Variants in ALG8 observed in about 807,000 individuals in gnomAD.
The protein encoded by ALG8 is ALG8 alpha-1,3-glucosyltransferase, also known as dolichyl pyrophosphate Glc1Man9GlcNAc2 alpha-1,3-glucosyltransferase.
A neutral mutation model predicts 70.2 loss-of-function variants in ALG8; 48 were observed. The ratio of observed to expected loss-of-function variants is 0.68; its 90% CI spans 0.54 to 0.87. The LOEUF (loss-of-function observed/expected upper bound fraction) is 0.87. Among genes scored for constraint, ALG8 ranks in the 40% least tolerant of loss-of-function variants. ALG8 has a pLI of 0.00. For missense variants in ALG8, 572 were observed against 608.7 expected (o/e 0.94, Z 0.64); for synonymous variants, 234 against 229.0 (o/e 1.02, Z -0.20).
chr11:78,105,478 A>G (rs1252969266), intron 10 of ALG8, among the ~76,000 whole-genome samples: 2 of 152,072 alleles, frequency 1.3e-5, no homozygotes, highest in African/African-American at 4.8e-5. Context: ...ACAAGTCACA[A>G]ACATTTTGAG....
intron 8 of ALG8, among the ~76,000 whole-genome samples, chr11:78,110,091 C>T (rs1860215816): frequency 6.6e-6 from 1 of 152,174 alleles, no homozygotes; most frequent in African/African-American, 2.4e-5. Context: ...GTCCCTCTGC[C>T]CAGGCAACTC....
intron 1 of ALG8, among the ~76,000 whole-genome samples, chr11:78,132,380 T>G (rs1274305883): frequency 6.6e-6 from 1 of 152,208 alleles, no homozygotes; most frequent in Non-Finnish European, 1.5e-5. Flanking sequence ...AAAGGGCACC[T>G]AGCCTTCCTG....
At chr11:78,103,699 T>C (rs1859899135) in intron 12 of ALG8, among the ~76,000 whole-genome samples, 1 of 152,346 alleles carries the variant, frequency 6.6e-6, no homozygotes, top group South Asian at 2.1e-4. Flanking sequence ...TATTTAATAG[T>C]TTTATTCATA....
At chr11:78,126,766 A>G (rs936021452) in intron 2 of ALG8, among the ~76,000 whole-genome samples, 41 of 152,032 alleles carry the variant, frequency 2.7e-4, no homozygotes, top group African/African-American at 9.7e-4. Flanking sequence ...TCTTTTCTCT[A>G]TGTAACTAGA....
At chr11:78,108,412 G>A (rs1314277364) in intron 9 of ALG8, among the ~76,000 whole-genome samples, 7 of 152,078 alleles carry the variant, frequency 4.6e-5, no homozygotes, top group Non-Finnish European at 1.0e-4. Context: ...CCTGGATGAC[G>A]GAGTGAGACT....
chr11:78,109,475 C>T lies in ALG8; in HGVS notation c.1005G>A (p.Leu335=). The T allele has an allele frequency of 6.2e-7, 1 of 1,614,112 alleles. No individual in the cohort carries two copies. Among genetic ancestry groups the T allele is most frequent in the Non-Finnish European group, 8.5e-7 (1 of 1,180,016 alleles). Residue 335 remains leucine (L), a synonymous_variant, in exon 9 of 13, where the codon TTG becomes TTA. Coordinates refer to ENST00000299626, the MANE Select transcript of ALG8 (RefSeq NM_024079.5). ...CAATCAGTGTGCAGATGAGGGTTGC[C>T]AAGGGAGTCACTGAGGGAAGGACTG... ...QHTVLPSVTP[L]ATLICTLIAI...
In ALG8 at chr11:78,121,103, A is replaced by G. The variant is rs1860802017; in HGVS notation, c.440T>C (p.Val147Ala). The G allele has an allele frequency of 6.2e-7, 1 of 1,613,970 alleles. No individual in the cohort carries two copies. The highest frequency in any genetic ancestry group is 2.2e-5 in the East Asian group (1 of 44,854). Residue 147 changes from valine to alanine, a missense_variant, in exon 4 of 13, where the codon GTA (valine) becomes GCA (alanine). Coordinates refer to ENST00000299626, the MANE Select transcript of ALG8 (RefSeq NM_024079.5). ...LTEKPKFILS[V>A]LLLWNFGLLI... ...TAACCCGAAGTTCCACAGAAGTAAT[A>G]CCGACAGAATAAATTTTGGCTTTTC...
chr11:78,106,517 C>A (rs1419700207), intron 10 of ALG8, among the ~76,000 whole-genome samples: 1 of 151,934 alleles, frequency 6.6e-6, no homozygotes, highest in Non-Finnish European at 1.5e-5. Context: ...TTTTCTATAA[C>A]ATACTGTCCC....
intron 1 of ALG8, 87 bp downstream of exon 1, chr11:78,139,407 A>C (rs2136959074): frequency 7.7e-7 from 1 of 1,306,950 alleles, no homozygotes; most frequent in South Asian, 1.3e-5. Flanking sequence ...TTTTCTCTTC[A>C]TACCCAGGGA....
chr11:78,132,746 T>G (rs1861357252), intron 1 of ALG8, among the ~76,000 whole-genome samples: 1 of 152,080 alleles, frequency 6.6e-6, no homozygotes, highest in Non-Finnish European at 1.5e-5. Flanking sequence ...TCCAATGATG[T>G]CAGTTCCTCA....
intron 5 of ALG8, among the ~76,000 whole-genome samples, chr11:78,114,982 GAATA>G (rs1333153662): frequency 1.3e-5 from 2 of 151,824 alleles, no homozygotes; most frequent in East Asian, 1.9e-4. Flanking sequence ...TCTCCAAAAT[GAATA>G]AATAAATAAC....
intron 7 of ALG8, 118 bp downstream of exon 7, chr11:78,113,768 G>T: frequency 1.2e-6 from 1 of 807,354 alleles, no homozygotes; most frequent in Non-Finnish European, 2.0e-6. Flanking sequence ...AGTCACGTTG[G>T]GTAAGGAGTA....
intron 7 of ALG8, among the ~76,000 whole-genome samples, 161 bp downstream of exon 7, chr11:78,113,722 CAAA>C: frequency 1.9e-5 from 1 of 53,742 alleles, no homozygotes; most frequent in African/African-American, 1.2e-4. Context: ...TAAACAAAAA[CAAA>C]AAAAAAAAAG....
At chr11:78,108,194 C>T (rs567772671) in intron 9 of ALG8, among the ~76,000 whole-genome samples, 1 of 152,276 alleles carries the variant, frequency 6.6e-6, no homozygotes, top group African/African-American at 2.4e-5. Flanking sequence ...GCAGGGGAAT[C>T]GCTTGAACCC....
In ALG8 at chr11:78,139,564, C is replaced by A. The variant is rs1415916082; in HGVS notation, c.25G>T (p.Gly9Cys). 2 of 1,559,406 alleles carry A rather than the reference C, an allele frequency of 1.3e-6. No individual in the cohort carries two copies. The highest frequency in any genetic ancestry group is 3.8e-5 in the Admixed American group (2 of 52,156). Residue 9 changes from glycine (G) to cysteine (C), a missense_variant, in exon 1 of 13, where the codon GGT becomes TGT. Gly to Cys is a radical substitution (Grantham distance 159). Coordinates refer to ENST00000299626, the MANE Select transcript of ALG8 (RefSeq NM_024079.5). MAALTIAT[G>C]TGNWFSALAL... is the part of the protein sequence containing the mutation. ...AAAGCCGAAAACCAATTGCCAGTAC[C>A]CGTGGCAATTGTGAGCGCCGCCATT...
chr11:78,109,641 T>C lies in ALG8; in HGVS notation c.899-60A>G, dbSNP rs898688314. On this transcript the variant is annotated intron_variant, in intron 8 of 12. Transcript: ENST00000299626. ...ATCTTTATTACTGAGATACCATATA[T>C]TAACAATCAATTCCTTGAGGAATAA... The C allele has an allele frequency of 2.0e-6, 3 of 1,465,296 alleles. 1 individual carries two copies. The South Asian group carries it at 3.5e-5, about 17-fold the overall frequency. 90.8% of individuals were successfully genotyped at this position (1,465,296 alleles called of 1,614,324 possible).
chr11:78,131,822 A>G (rs1861320782), intron 1 of ALG8, among the ~76,000 whole-genome samples: 2 of 152,208 alleles, frequency 1.3e-5, no homozygotes, highest in Admixed American at 1.3e-4. Flanking sequence ...GTCCTATGAT[A>G]GCTTCTTAAA....
At chr11:78,109,210 A>G (rs890048782) in intron 9 of ALG8, among the ~76,000 whole-genome samples, 3 of 152,050 alleles carry the variant, frequency 2.0e-5, no homozygotes, top group African/African-American at 7.3e-5. Context: ...GGGTGAACAG[A>G]TGGTCTAACA....
intron 5 of ALG8, among the ~76,000 whole-genome samples, chr11:78,116,484 C>G (rs767637113): frequency 6.6e-6 from 1 of 152,100 alleles, no homozygotes; most frequent in African/African-American, 2.4e-5. Flanking sequence ...CTTTGAGAGG[C>G]TGAAGTGGGT....
Sources: allele counts gnomAD v4.1 joint callset (sites outside exome capture counted in the v4.1 genomes callset), GRCh38; gene constraint gnomAD v4.1.1; transcripts MANE v1.5; gene names NCBI Gene and HGNC (gene_info 2026-07-23, HGNC 2026-07-21).